The following DAGLA variants were observed in gnomAD, a reference collection of about 807,000 sequenced individuals.
DAGLA encodes diacylglycerol lipase-alpha.
In DAGLA, 22 loss-of-function variants were observed where a neutral mutation model predicts 102.6. The observed-to-expected ratio is 0.21, with a 90% confidence interval of 0.15 to 0.31. The LOEUF (loss-of-function observed/expected upper bound fraction) is 0.31, where lower values mean the gene tolerates loss of function less well. Among genes scored for constraint, DAGLA ranks in the 10% least tolerant of loss-of-function variants. The pLI is 1.00. For missense variants in DAGLA, 927 were observed against 1,446.6 expected, an observed-to-expected ratio of 0.64 and a Z score of 5.83; for synonymous variants, 578 against 628.9, an observed-to-expected ratio of 0.92 and a Z score of 1.21.
chr11:61,706,094 TC>T (rs1486708567), intron 1 of DAGLA, among the ~76,000 whole-genome samples: 5 of 152,114 alleles, frequency 3.3e-5, no homozygotes, highest in Non-Finnish European at 7.4e-5. Context: ...TGCAGAACAG[TC>T]TAACAGGGCC....
At chr11:61,714,838 G>A (rs139192895) in intron 1 of DAGLA, among the ~76,000 whole-genome samples, 5 of 152,260 alleles carry the variant, frequency 3.3e-5, no homozygotes, top group East Asian at 1.9e-4. Context: ...AATGACCTGC[G>A]CCTCCTGCCT....
chr11:61,735,659 G>T lies in DAGLA; in HGVS notation c.1212+15G>T. The stretch of plus-strand genomic sequence containing the variant: ...TGTCCCCCAAGGTACGCTGCCCATG[G>T]CTCCCAGCCCCCGGGGGTGCCTGCC... On this transcript the variant is annotated intron_variant, in intron 11 of 19. Transcript: ENST00000257215. 6.2e-7 allele frequency: 1 copy of T among 1,613,738 alleles called. No individual in the cohort carries two copies. Among genetic ancestry groups the T allele is most frequent in the East Asian group, 2.2e-5 (1 of 44,870 alleles).
intron 16 of DAGLA, among the ~76,000 whole-genome samples, chr11:61,738,630 G>T (rs942588342): frequency 6.6e-6 from 1 of 152,140 alleles, no homozygotes; most frequent in Non-Finnish European, 1.5e-5. Context: ...CTGTGGAGAG[G>T]ATTTGGGTAC....
intron 18 of DAGLA, among the ~76,000 whole-genome samples, chr11:61,740,811 G>T (rs1339222386): frequency 6.6e-6 from 1 of 152,184 alleles, no homozygotes; most frequent in Non-Finnish European, 1.5e-5. Flanking sequence ...GAGGAGATAA[G>T]GAGACTCCCA....
At chr11:61,704,644 A>C (rs940894870) in intron 1 of DAGLA, among the ~76,000 whole-genome samples, 4 of 152,148 alleles carry the variant, frequency 2.6e-5, no homozygotes, top group Non-Finnish European at 4.4e-5. Context: ...GGATAGAGAC[A>C]GGAAGGCAGG....
At chr11:61,717,651 C>T (rs1007093665) in intron 1 of DAGLA, among the ~76,000 whole-genome samples, 2 of 152,218 alleles carry the variant, frequency 1.3e-5, no homozygotes, top group African/African-American at 4.8e-5. Context: ...CAAAACCAGC[C>T]AGCCTGGCAC....
In DAGLA at chr11:61,713,798, C is replaced by T. The variant is rs149271664; in HGVS notation, c.-44-6314C>T. Among the ~76,000 whole-genome samples the T allele has an allele frequency of 2.7e-3, 408 of 152,310 alleles. 2 individuals carry two copies. Among genetic ancestry groups the T allele is most frequent in the African/African-American group, 9.2e-3 (383 of 41,576 alleles). On this transcript the variant is annotated intron_variant, in intron 1 of 19. Transcript: ENST00000257215. ...GGGCCCAGCCTCACTGTGCTGAGTCCCGCAGATCAGATGCCCACCCCCAGA... is the reference window on the plus strand; with the variant it reads ...GGGCCCAGCCTCACTGTGCTGAGTCTCGCAGATCAGATGCCCACCCCCAGA...
chr11:61,713,443 A>G (rs899525805), intron 1 of DAGLA, among the ~76,000 whole-genome samples: 1 of 152,180 alleles, frequency 6.6e-6, no homozygotes, highest in Admixed American at 6.5e-5. Flanking sequence ...CCTTGTAGGC[A>G]ATTCATAAAT....
At chr11:61,685,647 A>G (rs1291001509) in intron 1 of DAGLA, among the ~76,000 whole-genome samples, 1 of 152,170 alleles carries the variant, frequency 6.6e-6, no homozygotes, top group Non-Finnish European at 1.5e-5. Context: ...TTGAGAAGAT[A>G]TAGTTAATTT....
intron 13 of DAGLA, among the ~76,000 whole-genome samples, chr11:61,736,736 G>A (rs1032005111): frequency 2.0e-5 from 3 of 152,198 alleles, no homozygotes; most frequent in East Asian, 1.9e-4. Context: ...CACTGGCCAC[G>A]GTCTGTGCAG....
At chr11:61,741,409 T>G in intron 19 of DAGLA, 60 bp downstream of exon 19, 117 of 1,533,078 alleles carry the variant, frequency 7.6e-5, no homozygotes, top group Non-Finnish European at 1.0e-4. Flanking sequence ...GCACATAGAC[T>G]TGTGTGCACA....
intron 1 of DAGLA, among the ~76,000 whole-genome samples, chr11:61,700,467 C>G (rs559996317): frequency 6.6e-6 from 1 of 152,312 alleles, no homozygotes; most frequent in East Asian, 1.9e-4. Flanking sequence ...CTGGACCTGC[C>G]TCCCCAACAC....
At chr11:61,729,055 A>C in intron 8 of DAGLA, 47 bp downstream of exon 8, 1 of 1,525,312 alleles carries the variant, frequency 6.6e-7, no homozygotes, top group Admixed American at 1.7e-5. Flanking sequence ...CATCCCTCCC[A>C]CTCTGCCACA....
intron 10 of DAGLA, among the ~76,000 whole-genome samples, chr11:61,735,227 C>A (rs1233398419): frequency 6.6e-6 from 1 of 152,218 alleles, no homozygotes; most frequent in Non-Finnish European, 1.5e-5. Flanking sequence ...ACATCAACCC[C>A]ACACCCAGTG....
In DAGLA at chr11:61,744,985, G is replaced by A. The variant is rs528696390; in HGVS notation, c.*496G>A. The A allele has an allele frequency of 3.6e-4, 61 of 167,242 alleles. No individual in the cohort carries two copies. Among genetic ancestry groups the A allele is most frequent in the African/African-American group, 1.2e-3 (51 of 41,742 alleles). The allele number at this position is 167,242 out of a possible 1,614,324, so 10.4% of individuals were successfully genotyped here. On this transcript the variant is annotated 3_prime_UTR_variant, in exon 20 of 20. Coordinates refer to ENST00000257215, the MANE Select transcript of DAGLA (RefSeq NM_006133.3). ...GCCGGCCCCCTGGGGTGCCCCTGCC[G>A]AGGTGGCCTGCAGTGCTGTACATGT...
At position 61,739,550 on chromosome 11, in the gene DAGLA, G is replaced by A. The variant is rs779975552; in HGVS notation, c.1742G>A (p.Arg581Gln). ...EVEVTTLAST[R>Q]LWTHPSDLTI... ...GAGGTGACCACCCTGGCCAGCACGC[G>A]GCTCTGGACCCACCCCAGCGACCTA... The change falls in exon 17 of 20, where the codon CGG (arginine) becomes CAG (glutamine). Residue 581 changes from arginine to glutamine, a missense_variant. Arg to Gln is a conservative substitution (Grantham distance 43, BLOSUM62 1). Coordinates refer to ENST00000257215, the MANE Select transcript of DAGLA (RefSeq NM_006133.3). 16 of 1,613,620 alleles carry A rather than the reference G, an allele frequency of 9.9e-6. No homozygotes were observed. The highest frequency in any genetic ancestry group is 1.2e-5 in the Non-Finnish European group (14 of 1,179,946).
intron 1 of DAGLA, among the ~76,000 whole-genome samples, chr11:61,683,249 G>A (rs1248981787): frequency 6.6e-6 from 1 of 152,214 alleles, no homozygotes; most frequent in East Asian, 1.9e-4. Flanking sequence ...AGGAGGACAC[G>A]GCCCTCCCAG....
At chr11:61,728,123 C>G in intron 6 of DAGLA, 30 bp from the exon 7 acceptor site, 4 of 1,613,106 alleles carry the variant, frequency 2.5e-6, no homozygotes, top group Non-Finnish European at 3.4e-6. Context: ...GCTCCCCTGC[C>G]ACTGCCTCCT....
chr11:61,720,129 C>T lies in DAGLA; in HGVS notation c.-27C>T, dbSNP rs1350966220. On this transcript the variant is annotated 5_prime_UTR_variant, in exon 2 of 20. Coordinates refer to ENST00000257215, the MANE Select transcript of DAGLA (RefSeq NM_006133.3). ...TCTTTCAGGAGGTGAGCACCAGGCC[C>T]ACTGAGCCTCTGCAGAGCCACCAGC... The T allele has an allele frequency of 6.2e-7, 1 of 1,608,704 alleles. No homozygotes were observed. The highest frequency in any genetic ancestry group is 8.5e-7 in the Non-Finnish European group (1 of 1,179,094).
Sources: gnomAD v4.1 joint callset for allele counts (sites outside exome capture counted in the v4.1 genomes callset) on GRCh38, gnomAD v4.1.1 for gene constraint, MANE v1.5 for transcripts, NCBI Gene and HGNC (gene_info 2026-07-23, HGNC 2026-07-21) for gene names.